PTBP2: variants seen among roughly 807,000 people sequenced by gnomAD.
PTBP2 encodes polypyrimidine tract binding protein 2.
Under a neutral mutation model 61.4 loss-of-function variants are expected in PTBP2, and 13 were observed. The ratio of observed to expected loss-of-function variants is 0.21; its 90% CI spans 0.14 to 0.34. The LOEUF (loss-of-function observed/expected upper bound fraction) is 0.34, where lower values mean the gene tolerates loss of function less well. Among genes scored for constraint, PTBP2 ranks in the 10% least tolerant of loss-of-function variants. The pLI is 1.00. For missense variants in PTBP2, 405 were observed against 642.6 expected (o/e 0.63, Z 4.00); for synonymous variants, 215 against 218.5 (o/e 0.98, Z 0.14).
Position 96,769,726 on chromosome 1 carries a change from T to A in PTBP2, c.139T>A (p.Phe47Ile). Residue 47 changes from phenylalanine (F) to isoleucine (I), a missense_variant, in exon 4 of 14, where the codon TTT (phenylalanine) becomes ATT (isoleucine). By Grantham distance (21) the Phe-to-Ile change is conservative (BLOSUM62 0). Coordinates refer to ENST00000674951, the MANE Select transcript of PTBP2 (RefSeq NM_021190.4). ...AGCCAATGGTAATGATAGTAAAAAA[T>A]TTAAAGGAGAAGATAAAATGGATGG... ...VTANGNDSKK[F>I]KGEDKMDGAP... 2.5e-6 allele frequency: 4 copies of A among 1,601,066 alleles called. No homozygotes were observed. The highest frequency in any genetic ancestry group is 2.6e-6 in the Non-Finnish European group (3 of 1,174,170).
chr1:96,785,381 C>G (rs1659104726), intron 8 of PTBP2, 127 bp downstream of exon 8: 7 of 687,548 alleles, frequency 1.0e-5, no homozygotes, highest in Non-Finnish European at 1.6e-5. Flanking sequence ...TTTTCTTTTT[C>G]TCAAGTGAGA....
At chr1:96,812,321 CA>C (rs1662162449) in intron 11 of PTBP2, among the ~76,000 whole-genome samples, 2 of 152,124 alleles carry the variant, frequency 1.3e-5, no homozygotes, top group African/African-American at 4.8e-5. Flanking sequence ...AGTAGAGAAA[CA>C]GATCATGAAT....
intron 3 of PTBP2, among the ~76,000 whole-genome samples, chr1:96,763,362 G>A (rs189646967): frequency 0.022 from 3,384 of 152,140 alleles, 114 homozygotes; most frequent in African/African-American, 0.077. Context: ...GATCACTCGC[G>A]GTTAGGAGCT....
At chr1:96,733,727 A>G (rs1651763077) in intron 2 of PTBP2, among the ~76,000 whole-genome samples, 1 of 152,140 alleles carries the variant, frequency 6.6e-6, no homozygotes, top group African/African-American at 2.4e-5. Context: ...CCCTTGAACA[A>G]CATGATTTTG....
chr1:96,798,712 A>G (rs1023238893), intron 8 of PTBP2, among the ~76,000 whole-genome samples: 5 of 152,244 alleles, frequency 3.3e-5, no homozygotes, highest in East Asian at 3.8e-4. Context: ...AGGAAATCTG[A>G]TAATGGACTT....
In PTBP2 at chr1:96,776,403, C is replaced by T. The variant is rs1346718530; in HGVS notation, c.433-1182C>T. Among the ~76,000 whole-genome samples, 6 of 151,794 alleles carry T rather than the reference C, an allele frequency of 4.0e-5. No individual in the cohort carries two copies. The South Asian group carries it at 1.2e-3, about 32-fold the overall frequency. ...AAATGTTGAGTTTTAATTAGTAAGT[C>T]ATTTTGACTAATACATAAATTTATA... On this transcript the variant is annotated intron_variant, in intron 5 of 13. Coordinates refer to ENST00000674951, the MANE Select transcript of PTBP2 (RefSeq NM_021190.4).
intron 11 of PTBP2, 144 bp downstream of exon 11, chr1:96,807,102 T>C (rs1208320870): frequency 1.4e-5 from 8 of 592,222 alleles, no homozygotes; most frequent in Non-Finnish European, 2.0e-5. Context: ...TTAATGTGAA[T>C]AGTTGTATGT....
chr1:96,739,142 T>C (rs1001762348), intron 2 of PTBP2, among the ~76,000 whole-genome samples: 30 of 152,172 alleles, frequency 2.0e-4, no homozygotes, highest in African/African-American at 7.0e-4. Flanking sequence ...ATTAGTTTTT[T>C]GTAATTCTTT....
chr1:96,724,381 GCT>G, intron 2 of PTBP2, among the ~76,000 whole-genome samples: 1 of 152,160 alleles, frequency 6.6e-6, no homozygotes, highest in African/African-American at 2.4e-5. Context: ...CTCCTGAGTA[GCT>G]GGGATTACAG....
intron 2 of PTBP2, among the ~76,000 whole-genome samples, chr1:96,728,287 A>G (rs1650878455): frequency 6.6e-6 from 1 of 152,146 alleles, no homozygotes; most frequent in Non-Finnish European, 1.5e-5. Flanking sequence ...ACACTTGGCC[A>G]CCTTTGTTTT....
At chr1:96,798,126 G>A (rs988929382) in intron 8 of PTBP2, among the ~76,000 whole-genome samples, 4 of 151,378 alleles carry the variant, frequency 2.6e-5, no homozygotes, top group Non-Finnish European at 4.4e-5. Context: ...GGTGTCTCAT[G>A]CCTATAATCC....
chr1:96,802,932 G>A (rs1451713678), intron 8 of PTBP2, among the ~76,000 whole-genome samples: 1 of 152,112 alleles, frequency 6.6e-6, no homozygotes, highest in African/African-American at 2.4e-5. Context: ...CTGACGAATA[G>A]TATTACAATA....
In PTBP2 at chr1:96,723,626, G is replaced by T. The variant is rs779500304; in HGVS notation, c.39+32G>T. 5 of 1,542,408 alleles carry T rather than the reference G, an allele frequency of 3.2e-6. No homozygotes were observed. The South Asian group carries it at 4.9e-5, about 15-fold the overall frequency. On this transcript the variant is annotated intron_variant, in intron 2 of 13. Transcript: ENST00000674951. Reference sequence around the variant, plus strand: ...AAATACTATGTTTGAAACTGGGATTGTTGGATCTATTATCATAATTACTGG... The same window carrying T: ...AAATACTATGTTTGAAACTGGGATTTTTGGATCTATTATCATAATTACTGG...
chr1:96,762,056 G>T, intron 3 of PTBP2, among the ~76,000 whole-genome samples: 1 of 150,852 alleles, frequency 6.6e-6, no homozygotes, highest in African/African-American at 2.4e-5. Flanking sequence ...AGGGTTGGGG[G>T]TAAGGTCACA....
intron 2 of PTBP2, among the ~76,000 whole-genome samples, chr1:96,741,466 T>A (rs911406776): frequency 6.6e-6 from 1 of 152,064 alleles, no homozygotes; most frequent in African/African-American, 2.4e-5. Context: ...CTCACTGTAT[T>A]ACCCAGGTTT....
chr1:96,806,762 T>A, intron 10 of PTBP2, 104 bp from the exon 11 acceptor site: 1 of 805,242 alleles, frequency 1.2e-6, no homozygotes, highest in Non-Finnish European at 2.1e-6. Flanking sequence ...GTGATCATGT[T>A]GATGTCTGAA....
chr1:96,822,536 A>G (rs1028230441), exon 14 of PTBP2: 2 of 152,250 alleles, frequency 1.3e-5, no homozygotes, highest in African/African-American at 4.8e-5. Flanking sequence ...CAGGGTTGAC[A>G]TGACAAATCT....
chr1:96,725,887 A>G (rs1017742784), intron 2 of PTBP2, among the ~76,000 whole-genome samples: 2 of 151,520 alleles, frequency 1.3e-5, no homozygotes, highest in African/African-American at 4.8e-5. Context: ...CATCCTGGCT[A>G]ACACGGTGAA....
At chr1:96,722,352 A>C (rs1395070929) in intron 1 of PTBP2, among the ~76,000 whole-genome samples, 2 of 151,976 alleles carry the variant, frequency 1.3e-5, no homozygotes, top group African/African-American at 2.4e-5. Context: ...AGCCATGAGC[A>C]ACCTCTCCGG....
Sources: gnomAD v4.1 joint callset for allele counts (sites outside exome capture counted in the v4.1 genomes callset) on GRCh38, gnomAD v4.1.1 for gene constraint, MANE v1.5 for transcripts, NCBI Gene and HGNC (gene_info 2026-07-23, HGNC 2026-07-21) for gene names.